LRRC7: variants seen among roughly 807,000 people sequenced by gnomAD.
LRRC7 encodes leucine rich repeat containing 7.
LRRC7 carries 23 observed loss-of-function variants against 175.7 expected under a neutral mutation model. The ratio of observed to expected loss-of-function variants is 0.13; its 90% confidence interval spans 0.09 to 0.19. The LOEUF (loss-of-function observed/expected upper bound fraction) is 0.19. Ranked by LOEUF, LRRC7 falls within the 10% of genes least tolerant of loss-of-function variation. LRRC7 has a pLI of 1.00. For missense variants in LRRC7, 1,354 were observed against 1,904.7 expected (o/e 0.71, Z 5.38); for synonymous variants, 685 against 680.9 (o/e 1.01, Z -0.09).
intron 8 of LRRC7, among the ~76,000 whole-genome samples, chr1:69,939,958 A>G (rs1302603728): frequency 6.6e-6 from 1 of 152,134 alleles, no homozygotes; most frequent in Non-Finnish European, 1.5e-5. Flanking sequence ...ACTTTGAGAC[A>G]TACTTCCAAA....
Position 70,121,968 on chromosome 1 carries a change from C to A in LRRC7, c.*81C>A. 2 of 955,910 alleles carry A rather than the reference C, an allele frequency of 2.1e-6. No homozygotes were observed. The highest frequency in any genetic ancestry group is 1.4e-5 in the South Asian group (1 of 70,298). 59.2% of individuals were successfully genotyped at this position (955,910 alleles called of 1,614,324 possible). A position where few individuals can be genotyped will look rare whatever the true frequency, so the allele number is the denominator to read the frequency against. ...ATTTATACATAGAAACAAATTTTGC[C>A]AATTGCTGGACCAATGGCAAACATT... On this transcript the variant is annotated 3_prime_UTR_variant, in exon 27 of 27. Coordinates refer to ENST00000651989, the MANE Select transcript of LRRC7 (RefSeq NM_001370785.2).
chr1:69,657,293 T>C (rs7537453), intron 1 of LRRC7, among the ~76,000 whole-genome samples: 31,548 of 151,822 alleles, frequency 0.21, 3,433 homozygotes, highest in South Asian at 0.28. Context: ...CTAGGAGCAT[T>C]ATAATTATTT....
chr1:70,021,544 A>G (rs1360292746), intron 16 of LRRC7, among the ~76,000 whole-genome samples: 1 of 152,168 alleles, frequency 6.6e-6, no homozygotes, highest in Non-Finnish European at 1.5e-5. Context: ...CCAACAGATT[A>G]ATATGTTACA....
chr1:69,934,099 A>C (rs1318028835), intron 8 of LRRC7, among the ~76,000 whole-genome samples: 1 of 152,144 alleles, frequency 6.6e-6, no homozygotes, highest in Non-Finnish European at 1.5e-5. Context: ...AACAACTTTG[A>C]ATGAGAAAAT....
At chr1:69,948,316 A>G (rs1281204828) in intron 8 of LRRC7, among the ~76,000 whole-genome samples, 1 of 152,094 alleles carries the variant, frequency 6.6e-6, no homozygotes, top group African/African-American at 2.4e-5. Flanking sequence ...TTATACTTTC[A>G]TATGCTTTTG....
chr1:69,935,655 A>G (rs1487249969), intron 8 of LRRC7, among the ~76,000 whole-genome samples: 3 of 151,842 alleles, frequency 2.0e-5, no homozygotes, highest in Non-Finnish European at 4.4e-5. Flanking sequence ...ATTTTTGCTC[A>G]TTTTTCTATT....
chr1:69,732,261 C>CA (rs950179903), intron 2 of LRRC7, among the ~76,000 whole-genome samples: 1 of 150,608 alleles, frequency 6.6e-6, no homozygotes, highest in East Asian at 2.0e-4. Context: ...AATACTAGGG[C>CA]AAAAAAAGAT....
At chr1:69,758,588 C>T (rs1462991259) in intron 2 of LRRC7, among the ~76,000 whole-genome samples, 1 of 151,936 alleles carries the variant, frequency 6.6e-6, no homozygotes, top group Non-Finnish European at 1.5e-5. Flanking sequence ...TTTTGATATA[C>T]AGATTATTTC....
At chr1:69,578,383 G>A (rs1266107679) in intron 1 of LRRC7, among the ~76,000 whole-genome samples, 1 of 148,218 alleles carries the variant, frequency 6.7e-6, no homozygotes. Context: ...AGTCAGTGTG[G>A]CGATTCCTCA....
intron 4 of LRRC7, among the ~76,000 whole-genome samples, chr1:69,813,066 C>G (rs954513706): frequency 2.6e-5 from 4 of 152,138 alleles, no homozygotes; most frequent in Admixed American, 6.6e-5. Flanking sequence ...TTTCCAGAAC[C>G]CTCCCTATCT....
At chr1:70,050,191 G>A (rs1457457990) in intron 22 of LRRC7, among the ~76,000 whole-genome samples, 1 of 151,962 alleles carries the variant, frequency 6.6e-6, no homozygotes, top group Non-Finnish European at 1.5e-5. Context: ...AGAGAAAGAG[G>A]CATACATATG....
intron 1 of LRRC7, among the ~76,000 whole-genome samples, chr1:69,579,666 C>A (rs959080587): frequency 2.0e-5 from 3 of 152,262 alleles, no homozygotes; most frequent in African/African-American, 7.2e-5. Context: ...CTAAATGACT[C>A]TTGTAGCCAT....
intron 7 of LRRC7, among the ~76,000 whole-genome samples, chr1:69,896,980 T>C (rs930001695): frequency 6.6e-6 from 1 of 152,164 alleles, no homozygotes; most frequent in Non-Finnish European, 1.5e-5. Flanking sequence ...GGTTTTGTGA[T>C]ATTGAGAGAT....
chr1:69,718,347 G>T (rs1665973760), intron 2 of LRRC7, among the ~76,000 whole-genome samples: 2 of 151,662 alleles, frequency 1.3e-5, no homozygotes, highest in Non-Finnish European at 3.0e-5. Flanking sequence ...TATCTTCTTT[G>T]CCAGATTCCA....
chr1:69,797,672 C>T (rs1387623192), intron 4 of LRRC7, among the ~76,000 whole-genome samples: 1 of 152,096 alleles, frequency 6.6e-6, no homozygotes, highest in African/African-American at 2.4e-5. Flanking sequence ...TGATAGCCTC[C>T]TAACTGGTCT....
intron 2 of LRRC7, among the ~76,000 whole-genome samples, chr1:69,679,682 G>T (rs941205296): frequency 2.6e-5 from 4 of 152,022 alleles, no homozygotes; most frequent in African/African-American, 9.7e-5. Context: ...ACACTTCGGG[G>T]TTTCTTCTCT....
At chr1:69,677,227 CATATATT>C (rs1013142619) in intron 1 of LRRC7, among the ~76,000 whole-genome samples, 1 of 139,770 alleles carries the variant, frequency 7.2e-6, no homozygotes, top group African/African-American at 2.6e-5. Flanking sequence ...TAATATATAA[CATATATT>C]ATATATGTTA....
At chr1:69,718,870 A>AT (rs1666045076) in intron 2 of LRRC7, among the ~76,000 whole-genome samples, 1 of 151,846 alleles carries the variant, frequency 6.6e-6, no homozygotes, top group Non-Finnish European at 1.5e-5. Context: ...GGATATTGCA[A>AT]TTAGTCAGTA....
At chr1:69,678,850 T>C (rs1225464742) in intron 2 of LRRC7, among the ~76,000 whole-genome samples, 2 of 152,142 alleles carry the variant, frequency 1.3e-5, no homozygotes, top group African/African-American at 2.4e-5. Flanking sequence ...CACTTTCCAG[T>C]TTCCATTTAG....
Sources: gnomAD v4.1 joint callset for allele counts (sites outside exome capture counted in the v4.1 genomes callset) on GRCh38, gnomAD v4.1.1 for gene constraint, MANE v1.5 for transcripts, NCBI Gene and HGNC (gene_info 2026-07-23, HGNC 2026-07-21) for gene names.